The following HSF2BP variants were observed in gnomAD, a reference collection of about 807,000 sequenced individuals.
HSF2BP encodes the protein heat shock transcription factor 2 binding protein.
Under a neutral mutation model 35.0 loss-of-function variants are expected in HSF2BP, and 35 were observed. That is an observed-to-expected ratio of 1.00 (90% CI 0.76 to 1.32). The LOEUF is 1.32. Among genes scored for constraint, HSF2BP ranks in the 40% most tolerant of loss-of-function variants. The pLI is 0.00. For synonymous variants in HSF2BP, 114 were observed against 117.4 expected (o/e 0.97, Z 0.18); for missense variants, 326 against 321.7 (o/e 1.01, Z -0.10).
intron 6 of HSF2BP, among the ~76,000 whole-genome samples, chr21:43,622,454 A>G (rs1568920795): frequency 6.6e-6 from 1 of 152,204 alleles, no homozygotes; most frequent in East Asian, 1.9e-4. Context: ...ATAAAGGCAC[A>G]TACAGACTGA....
intron 3 of HSF2BP, among the ~76,000 whole-genome samples, chr21:43,650,956 C>T (rs781100654): frequency 2.6e-5 from 4 of 152,138 alleles, no homozygotes; most frequent in Non-Finnish European, 4.4e-5. Flanking sequence ...GATCTGCCAG[C>T]CTTGGCTTCC....
At chr21:43,613,683 G>A (rs776416411) in intron 7 of HSF2BP, 147 bp downstream of exon 7, 12 of 650,504 alleles carry the variant, frequency 1.8e-5, no homozygotes, top group Non-Finnish European at 8.1e-6. Context: ...AAGAGACAGT[G>A]CACGCCCTTA....
At chr21:43,647,715 G>C (rs987529615) in intron 3 of HSF2BP, among the ~76,000 whole-genome samples, 2 of 151,910 alleles carry the variant, frequency 1.3e-5, no homozygotes, top group African/African-American at 2.4e-5. Context: ...TGGTATGTGA[G>C]GTCAGGAGTT....
chr21:43,608,845 T>C (rs2082168079), intron 7 of HSF2BP, among the ~76,000 whole-genome samples: 1 of 139,744 alleles, frequency 7.2e-6, no homozygotes, highest in South Asian at 2.4e-4. Context: ...TGATGTCACA[T>C]GCCTGTAATC....
At chr21:43,644,445 C>T in intron 3 of HSF2BP, 53 bp from the exon 4 acceptor site, 15 of 1,394,436 alleles carry the variant, frequency 1.1e-5, no homozygotes, top group Non-Finnish European at 1.5e-5. Context: ...TAATCTCTCC[C>T]TAAGCATCTA....
intron 4 of HSF2BP, among the ~76,000 whole-genome samples, chr21:43,638,027 A>T (rs1221972625): frequency 6.6e-6 from 1 of 152,192 alleles, no homozygotes; most frequent in African/African-American, 2.4e-5. Flanking sequence ...GCTACGCAAG[A>T]AGGAAAGAGG....
the HSF2BP span, among the ~76,000 whole-genome samples, chr21:43,505,401 G>A: frequency 3.6e-5 from 4 of 111,942 alleles, 1 homozygote; most frequent in Non-Finnish European, 7.5e-5. Context: ...TGGTGCTGTC[G>A]CTGTGGCCTT....
intron 6 of HSF2BP, among the ~76,000 whole-genome samples, chr21:43,619,448 G>C (rs1369700086): frequency 6.6e-6 from 1 of 152,190 alleles, no homozygotes; most frequent in Non-Finnish European, 1.5e-5. Context: ...ACATACAGCA[G>C]CTCCAAGATT....
rs936391168 is a variant in HSF2BP at position 43,571,787 on chromosome 21, C to T, written c.796+20438G>A. On this transcript the variant is annotated intron_variant, in intron 8 of 8. Transcript: ENST00000291560. ...TGTGAGGAGTGTGAACAGAGGGACA[C>T]GGTGATGAGGATGCCCAGGGTTGAG... 6.3e-5 allele frequency among the ~76,000 whole-genome samples: 8 copies of T among 127,554 alleles called. No homozygotes were observed. In the Admixed American group the frequency reaches 6.6e-4, roughly 11 times the overall value. 83.7% of individuals were successfully genotyped at this position (127,554 alleles called of 152,430 possible). A position where few individuals can be genotyped will look rare whatever the true frequency, so the allele number is the denominator to read the frequency against.
chr21:43,657,771 G>C, intron 2 of HSF2BP: 1 of 901,002 alleles, frequency 1.1e-6, no homozygotes, highest in Non-Finnish European at 1.3e-6. Context: ...GAGCAGAGAA[G>C]AGAGTGACCA....
intron 8 of HSF2BP, among the ~76,000 whole-genome samples, chr21:43,574,680 A>G (rs1451694597): frequency 1.3e-5 from 2 of 152,108 alleles, no homozygotes; most frequent in Non-Finnish European, 2.9e-5. Context: ...CAATTCTGGT[A>G]AAAGCTGTGG....
intron 6 of HSF2BP, among the ~76,000 whole-genome samples, chr21:43,622,230 C>T (rs2082339139): frequency 6.6e-6 from 1 of 151,774 alleles, no homozygotes; most frequent in Non-Finnish European, 1.5e-5. Context: ...ATCACTTAAC[C>T]ATAAAGGATG....
At chr21:43,654,925 C>G (rs985759992) in intron 3 of HSF2BP, among the ~76,000 whole-genome samples, 2 of 152,134 alleles carry the variant, frequency 1.3e-5, no homozygotes, top group South Asian at 4.1e-4. Flanking sequence ...GGGGAATAAG[C>G]AGGAATTGCC....
At chr21:43,595,323 T>C (rs576782174) in intron 7 of HSF2BP, among the ~76,000 whole-genome samples, 4 of 151,274 alleles carry the variant, frequency 2.6e-5, no homozygotes, top group Non-Finnish European at 5.9e-5. Context: ...CAAATACTAA[T>C]GAAAAAAGAA....
intron 3 of HSF2BP, among the ~76,000 whole-genome samples, chr21:43,656,047 A>G (rs2082863530): frequency 6.6e-6 from 1 of 152,192 alleles, no homozygotes; most frequent in Non-Finnish European, 1.5e-5. Flanking sequence ...TGCTGAGACA[A>G]TCTCAGAGTA....
At chr21:43,646,814 C>G (rs747147029) in intron 3 of HSF2BP, among the ~76,000 whole-genome samples, 8 of 152,192 alleles carry the variant, frequency 5.3e-5, no homozygotes, top group Non-Finnish European at 1.2e-4. Flanking sequence ...TGACAAGTGC[C>G]CTTCTGCTGT....
At chr21:43,593,732 A>T (rs1046184746) in intron 7 of HSF2BP, among the ~76,000 whole-genome samples, 1 of 152,318 alleles carries the variant, frequency 6.6e-6, no homozygotes, top group South Asian at 2.1e-4. Context: ...GAAAAGGAGA[A>T]ATACTAAACA....
intron 8 of HSF2BP, among the ~76,000 whole-genome samples, chr21:43,574,519 A>G (rs1371448196): frequency 1.3e-5 from 2 of 151,988 alleles, no homozygotes; most frequent in Admixed American, 6.6e-5. Context: ...CACCACGCCT[A>G]GCTAATTTTT....
At chr21:43,594,796 TAAAAAG>T (rs750460541) in intron 7 of HSF2BP, among the ~76,000 whole-genome samples, 29 of 151,566 alleles carry the variant, frequency 1.9e-4, no homozygotes, top group Non-Finnish European at 3.4e-4. Context: ...AAAATCATAA[TAAAAAG>T]AAAAACAAAA....
Sources: allele counts gnomAD v4.1 joint callset (sites outside exome capture counted in the v4.1 genomes callset), GRCh38; gene constraint gnomAD v4.1.1; transcripts MANE v1.5; gene names NCBI Gene and HGNC (gene_info 2026-07-23, HGNC 2026-07-21).